The following EFCAB5 variants were observed in gnomAD, a reference collection of about 807,000 sequenced individuals.
EFCAB5 encodes EF-hand calcium-binding domain-containing protein 5.
A neutral mutation model predicts 167.9 loss-of-function variants in EFCAB5; 131 were observed. The observed-to-expected ratio is 0.78, with a 90% CI of 0.68 to 0.90. EFCAB5 has a LOEUF of 0.90. Ranked by LOEUF, EFCAB5 falls within the 40% of genes least tolerant of loss-of-function variation. EFCAB5 has a pLI of 0.00. For synonymous variants in EFCAB5, 574 were observed against 602.8 expected (o/e 0.95, Z 0.70); for missense variants, 1,663 against 1,745.2 (o/e 0.95, Z 0.84).
At chr17:30,069,275 AC>A in intron 14 of EFCAB5, 1 of 1,499,746 alleles carries the variant, frequency 6.7e-7, no homozygotes, top group African/African-American at 1.4e-5. Context: ...TGAATTGGGA[AC>A]ATGGGGAGAT....
upstream of EFCAB5, among the ~76,000 whole-genome samples, chr17:29,938,370 G>A (rs570465609): frequency 6.6e-6 from 1 of 152,298 alleles, no homozygotes; most frequent in South Asian, 2.1e-4. Flanking sequence ...TGCTGATGCA[G>A]GATCTTGCCT....
At chr17:30,080,265 G>A in intron 16 of EFCAB5, 24 bp downstream of exon 16, 1 of 1,524,086 alleles carries the variant, frequency 6.6e-7, no homozygotes, top group Non-Finnish European at 8.8e-7. Context: ...GAAGAGATTG[G>A]TTTCACCCTC....
intron 14 of EFCAB5, among the ~76,000 whole-genome samples, chr17:30,065,236 A>C (rs762805089): frequency 6.6e-6 from 1 of 152,238 alleles, no homozygotes; most frequent in Non-Finnish European, 1.5e-5. Flanking sequence ...GAAAGGAACA[A>C]AGGATATAGA....
At chr17:29,972,268 C>G (rs2067971503) in intron 4 of EFCAB5, among the ~76,000 whole-genome samples, 1 of 145,918 alleles carries the variant, frequency 6.9e-6, no homozygotes, top group South Asian at 2.2e-4. Flanking sequence ...CCAGGGTGGT[C>G]TCGATCTCCT....
chr17:30,072,547 C>T (rs186597620), intron 14 of EFCAB5, among the ~76,000 whole-genome samples: 15 of 152,286 alleles, frequency 9.8e-5, no homozygotes, highest in Admixed American at 8.5e-4. Context: ...TAAAGAATCT[C>T]TAAGAAACTC....
chr17:30,078,665 G>A (rs997414435), intron 15 of EFCAB5, among the ~76,000 whole-genome samples, 161 bp downstream of exon 15: 1 of 152,196 alleles, frequency 6.6e-6, no homozygotes, highest in African/African-American at 2.4e-5. Flanking sequence ...CCAAAGCCTA[G>A]GAGAGATACA....
intron 14 of EFCAB5, chr17:30,065,533 C>A (rs528851165): frequency 1.3e-5 from 2 of 151,984 alleles, no homozygotes; most frequent in Non-Finnish European, 2.9e-5. Context: ...TGGTGGCATG[C>A]GCCTGTAGTC....
At chr17:30,051,060 T>C in intron 8 of EFCAB5, 58 bp from the exon 9 acceptor site, 1 of 1,490,312 alleles carries the variant, frequency 6.7e-7, no homozygotes, top group Non-Finnish European at 9.3e-7. Context: ...ACGTTCCAAC[T>C]GCATAAAAAT....
At position 30,080,959 on chromosome 17, in the gene EFCAB5, C is replaced by T; in HGVS notation, c.3404C>T (p.Pro1135Leu). 1 of 1,612,824 alleles carries T rather than the reference C, an allele frequency of 6.2e-7. No homozygotes were observed. Among genetic ancestry groups the T allele is most frequent in the Non-Finnish European group, 8.5e-7 (1 of 1,179,780 alleles). The stretch of plus-strand genomic sequence containing the variant: ...CCCCACGAAATAAACATCTTTCTAC[C>T]TCATGAGATCAGATTCTATCAGGTA... ...RDPHEINIFL[P>L]HEIRFYQGVA... Residue 1135 changes from proline (P) to leucine (L), a missense_variant, in exon 17 of 23, where the codon CCT becomes CTT. Physicochemically the swap from Pro to Leu is moderately conservative, Grantham distance 98. Transcript: ENST00000394835.
chr17:30,072,651 C>G (rs1341453060), intron 14 of EFCAB5, among the ~76,000 whole-genome samples: 1 of 152,088 alleles, frequency 6.6e-6, no homozygotes, highest in Non-Finnish European at 1.5e-5. Flanking sequence ...TACTGTTTCC[C>G]CATGGTTAAA....
intron 14 of EFCAB5, among the ~76,000 whole-genome samples, chr17:30,065,450 C>T (rs1378876862): frequency 6.6e-6 from 1 of 152,090 alleles, no homozygotes; most frequent in Non-Finnish European, 1.5e-5. Flanking sequence ...ATCACAAAGT[C>T]AAGAGATTGA....
chr17:30,050,645 G>A (rs1361592906), intron 8 of EFCAB5, among the ~76,000 whole-genome samples: 4 of 152,074 alleles, frequency 2.6e-5, no homozygotes, highest in Non-Finnish European at 4.4e-5. Context: ...GCTATATCAG[G>A]CTTTTTAAAG....
At chr17:29,994,693 T>G (rs1567701882) in intron 5 of EFCAB5, among the ~76,000 whole-genome samples, 1 of 152,190 alleles carries the variant, frequency 6.6e-6, no homozygotes, top group Non-Finnish European at 1.5e-5. Flanking sequence ...GAAGGATCGC[T>G]TGTGCCCACG....
At chr17:29,991,496 A>G (rs1182162314) in intron 4 of EFCAB5, among the ~76,000 whole-genome samples, 1 of 152,210 alleles carries the variant, frequency 6.6e-6, no homozygotes, top group Non-Finnish European at 1.5e-5. Context: ...AAACAAAGGG[A>G]TGGGCTCCCT....
intron 20 of EFCAB5, 90 bp downstream of exon 20, chr17:30,090,764 A>G (rs1458910856): frequency 6.7e-7 from 1 of 1,484,488 alleles, no homozygotes; most frequent in Non-Finnish European, 9.0e-7. Flanking sequence ...CACTTTCTAA[A>G]ATGAATTGTT....
intron 3 of EFCAB5, among the ~76,000 whole-genome samples, chr17:29,944,377 T>A (rs958055802): frequency 6.6e-6 from 1 of 152,138 alleles, no homozygotes; most frequent in East Asian, 1.9e-4. Flanking sequence ...GTATTTTAAA[T>A]GCAGTTTGGG....
intron 8 of EFCAB5, among the ~76,000 whole-genome samples, chr17:30,050,220 C>T (rs1355321679): frequency 6.6e-6 from 1 of 151,786 alleles, no homozygotes; most frequent in African/African-American, 2.4e-5. Flanking sequence ...CCGCAACCTC[C>T]GCCTCCTGGG....
chr17:30,068,534 T>G, intron 14 of EFCAB5: 1 of 653,998 alleles, frequency 1.5e-6, no homozygotes, highest in South Asian at 2.5e-5. Flanking sequence ...TGTTCATGGA[T>G]TGGAAGAATT....
chr17:29,996,381 G>C (rs771645147), intron 6 of EFCAB5, 21 bp downstream of exon 6: 3 of 1,528,422 alleles, frequency 2.0e-6, no homozygotes, highest in South Asian at 2.5e-5. Flanking sequence ...CTATTACTCT[G>C]ATATTTTTAT....
Sources: allele counts gnomAD v4.1 joint callset (sites outside exome capture counted in the v4.1 genomes callset), GRCh38; gene constraint gnomAD v4.1.1; transcripts MANE v1.5; gene names NCBI Gene and HGNC (gene_info 2026-07-23, HGNC 2026-07-21).